PCDHA11: variants seen among roughly 807,000 people sequenced by gnomAD.
The protein encoded by PCDHA11 is protocadherin alpha 11.
A neutral mutation model predicts 70.3 loss-of-function variants in PCDHA11; 61 were observed. The ratio of observed to expected loss-of-function variants is 0.87; its 90% CI spans 0.71 to 1.07. The LOEUF (loss-of-function observed/expected upper bound fraction) is 1.07, where lower values mean the gene tolerates loss of function less well. Among genes scored for constraint, PCDHA11 ranks in the 50% least tolerant of loss-of-function variants. The pLI, the probability that PCDHA11 is intolerant of heterozygous loss-of-function variation, is 0.00. For missense variants in PCDHA11, 1,324 were observed against 1,237.5 expected (o/e 1.07, Z -1.05); for synonymous variants, 633 against 555.1 (o/e 1.14, Z -1.97).
chr5:140,870,796 C>T lies in PCDHA11; in HGVS notation c.1693C>T (p.Leu565=). The change falls in exon 1 of 4, where the codon CTG becomes TTG. Residue 565 remains leucine, a synonymous_variant. Coordinates refer to ENST00000398640, the MANE Select transcript of PCDHA11 (RefSeq NM_018902.5). The part of the protein sequence containing the change: ...LDENDNAPAL[L]ATQAGSAGGA... ...CGAGAACGACAACGCGCCGGCACTG[C>T]TGGCGACTCAGGCTGGCAGCGCGGG... 1 of 1,613,694 alleles carries T rather than the reference C, an allele frequency of 6.2e-7. No homozygotes were observed. The highest frequency in any genetic ancestry group is 8.5e-7 in the Non-Finnish European group (1 of 1,179,894).
At chr5:140,902,611 A>G (rs924512539) in intron 1 of PCDHA11, among the ~76,000 whole-genome samples, 1 of 151,996 alleles carries the variant, frequency 6.6e-6, no homozygotes, top group East Asian at 1.9e-4. Flanking sequence ...TTTCAGTTAC[A>G]TGGGTAAGTT....
chr5:140,981,138 G>A (rs1554242668), intron 2 of PCDHA11, among the ~76,000 whole-genome samples: 11 of 152,206 alleles, frequency 7.2e-5, no homozygotes. Flanking sequence ...GTCAAAGAGT[G>A]AGAAAACATT....
At chr5:140,978,827 G>T (rs2096825118) in intron 1 of PCDHA11, 122 bp from the exon 2 acceptor site, 2 of 1,528,744 alleles carry the variant, frequency 1.3e-6, no homozygotes, top group Admixed American at 2.0e-5. Flanking sequence ...ACATGAAATG[G>T]CTCATTCAAT....
Position 140,968,743 on chromosome 5 carries a change from C to T in PCDHA11, c.2392-10206C>T, listed in dbSNP as rs112674082. On this transcript the variant is annotated intron_variant, in intron 1 of 3. Coordinates refer to ENST00000398640, the MANE Select transcript of PCDHA11 (RefSeq NM_018902.5). ...AGAGTGGTAGCACTTTCAACCTGAC[C>T]GTGGTGGTCCGAGATAATGGAGAGC... is the stretch of plus-strand genomic sequence containing the variant. The T allele has an allele frequency of 3.4e-5, 55 of 1,614,060 alleles. No individual in the cohort carries two copies. In the African/African-American group the frequency reaches 5.1e-4, roughly 15 times the overall value.
intron 1 of PCDHA11, among the ~76,000 whole-genome samples, chr5:140,940,440 G>T (rs1348385112): frequency 1.3e-5 from 2 of 151,928 alleles, no homozygotes; most frequent in Non-Finnish European, 2.9e-5. Flanking sequence ...AGTCTGCCAT[G>T]ATATTTTTTA....
At chr5:140,928,282 C>G in intron 1 of PCDHA11, 1 of 1,614,166 alleles carries the variant, frequency 6.2e-7, no homozygotes, top group Non-Finnish European at 8.5e-7. Flanking sequence ...TGGGGCCTCT[C>G]TAGGCCGAGT....
At chr5:140,994,726 G>A (rs774837274) in intron 3 of PCDHA11, among the ~76,000 whole-genome samples, 1 of 151,958 alleles carries the variant, frequency 6.6e-6, no homozygotes, top group Non-Finnish European at 1.5e-5. Flanking sequence ...TAAAATACTG[G>A]GTATTGCAGG....
chr5:140,939,034 A>T (rs1367274051), intron 1 of PCDHA11, among the ~76,000 whole-genome samples: 1 of 152,216 alleles, frequency 6.6e-6, no homozygotes, highest in Non-Finnish European at 1.5e-5. Context: ...TATTCGGAAG[A>T]GTTGTCTTAG....
At chr5:140,883,758 G>C (rs781858673) in intron 1 of PCDHA11, 4 of 1,612,920 alleles carry the variant, frequency 2.5e-6, no homozygotes, top group Non-Finnish European at 3.4e-6. Context: ...CTGGTGGAGC[G>C]GCGGGTGGGC....
At chr5:140,954,618 G>C (rs1312581802) in intron 1 of PCDHA11, among the ~76,000 whole-genome samples, 3 of 152,078 alleles carry the variant, frequency 2.0e-5, no homozygotes, top group Non-Finnish European at 2.9e-5. Flanking sequence ...TAATGGGCTT[G>C]TTTGGGTTTT....
Position 140,871,280 on chromosome 5 carries a change from C to A in PCDHA11, c.2177C>A (p.Pro726His). Residue 726 changes from proline to histidine, a missense_variant, in exon 1 of 4, where the codon CCC becomes CAC. By Grantham distance (77) the Pro-to-His change is moderately conservative (BLOSUM62 -2). Coordinates refer to ENST00000398640, the MANE Select transcript of PCDHA11 (RefSeq NM_018902.5). ...ACGGCGCTGTGGTGGTCGGCAACGC[C>A]CACTGAGGGCGCGTGCGCGCCGGGG... is the stretch of plus-strand genomic sequence containing the variant. ...LYTALWWSAT[P>H]TEGACAPGKP... The A allele has an allele frequency of 6.2e-7, 1 of 1,613,916 alleles. No individual in the cohort carries two copies. Among genetic ancestry groups the A allele is most frequent in the Non-Finnish European group, 8.5e-7 (1 of 1,179,930 alleles).
chr5:140,920,955 C>A (rs2079947807), intron 1 of PCDHA11, among the ~76,000 whole-genome samples: 1 of 151,668 alleles, frequency 6.6e-6, no homozygotes, highest in Admixed American at 6.6e-5. Context: ...AAACACTACA[C>A]ATGTAGTACT....
In PCDHA11 at chr5:140,876,415, G is replaced by T; in HGVS notation, c.2391+4921G>T. On this transcript the variant is annotated intron_variant, in intron 1 of 3. Transcript: ENST00000398640. Reference sequence around the variant, plus strand: ...TGAACTGGATTTTGAAGAGAATAATGCCTATGAAATTCAGGTTAACGCCAT... The same window carrying T: ...TGAACTGGATTTTGAAGAGAATAATTCCTATGAAATTCAGGTTAACGCCAT... The T allele has an allele frequency of 2.5e-6, 4 of 1,613,960 alleles. 1 individual carries two copies. The highest frequency in any genetic ancestry group is 3.4e-6 in the Non-Finnish European group (4 of 1,179,898).
Position 140,928,772 on chromosome 5 carries a change from C to T in PCDHA11, c.2392-50177C>T, listed in dbSNP as rs1554206297. The stretch of plus-strand genomic sequence containing the variant: ...CGTACTGCTCGCTTAGTTCTTCCCA[C>T]TGATGCAGTTAAGCAGAGGGTGGTG... On this transcript the variant is annotated intron_variant, in intron 1 of 3. Coordinates refer to ENST00000398640, the MANE Select transcript of PCDHA11 (RefSeq NM_018902.5). The T allele has an allele frequency of 2.5e-6, 4 of 1,614,054 alleles. No individual in the cohort carries two copies. The East Asian group carries it at 6.7e-5, about 27-fold the overall frequency.
chr5:140,994,962 T>C (rs2097657475), intron 3 of PCDHA11, among the ~76,000 whole-genome samples: 2 of 152,208 alleles, frequency 1.3e-5, no homozygotes, highest in Admixed American at 1.3e-4. Flanking sequence ...TGTAGTTTCA[T>C]TTGTTGGCCA....
chr5:140,974,553 C>G (rs1554236197), intron 1 of PCDHA11, among the ~76,000 whole-genome samples: 1 of 151,870 alleles, frequency 6.6e-6, no homozygotes, highest in African/African-American at 2.4e-5. Context: ...CTCTTGTTGC[C>G]CAGGCTGGAG....
chr5:140,944,582 C>T (rs1273246926), intron 1 of PCDHA11, among the ~76,000 whole-genome samples: 1 of 152,146 alleles, frequency 6.6e-6, no homozygotes, highest in Non-Finnish European at 1.5e-5. Flanking sequence ...GAGATCACTT[C>T]AGAATTTCCC....
intron 1 of PCDHA11, chr5:140,927,331 A>T: frequency 6.2e-7 from 1 of 1,614,134 alleles, no homozygotes; most frequent in Non-Finnish European, 8.5e-7. Flanking sequence ...TACTCTCCCG[A>T]ATGCCCAAGA....
chr5:140,931,659 G>A (rs1554208521), intron 1 of PCDHA11, among the ~76,000 whole-genome samples: 1 of 151,694 alleles, frequency 6.6e-6, no homozygotes, highest in Non-Finnish European at 1.5e-5. Flanking sequence ...GTTGTGGGCT[G>A]GATATTTCCT....
Sources: allele counts gnomAD v4.1 joint callset (sites outside exome capture counted in the v4.1 genomes callset), GRCh38; gene constraint gnomAD v4.1.1; transcripts MANE v1.5; gene names NCBI Gene and HGNC (gene_info 2026-07-23, HGNC 2026-07-21).